ZNRF2: variants seen among roughly 807,000 people sequenced by gnomAD.
ZNRF2 encodes the protein zinc and ring finger 2.
A neutral mutation model predicts 20.4 loss-of-function variants in ZNRF2; 16 were observed. The observed-to-expected ratio is 0.79, with a 90% CI of 0.53 to 1.19. ZNRF2 has a LOEUF of 1.19. ZNRF2 is among the 50% of genes most tolerant of loss of function. The pLI is 0.00. For missense variants in ZNRF2, 363 were observed against 332.4 expected (o/e 1.09, Z -0.72); for synonymous variants, 178 against 144.9 (o/e 1.23, Z -1.64).
intron 1 of ZNRF2, among the ~76,000 whole-genome samples, chr7:30,302,587 A>G (rs1799135883): frequency 6.6e-6 from 1 of 151,808 alleles, no homozygotes; most frequent in South Asian, 2.1e-4. Context: ...GTATATATGT[A>G]CATAAAAAAG....
chr7:30,323,149 G>C (rs1191199232), intron 1 of ZNRF2, among the ~76,000 whole-genome samples: 1 of 152,108 alleles, frequency 6.6e-6, no homozygotes, highest in African/African-American at 2.4e-5. Context: ...TGTTTTTGCT[G>C]TTCTGAAAGG....
At chr7:30,332,914 T>C (rs186424228) in intron 2 of ZNRF2, among the ~76,000 whole-genome samples, 126 of 152,258 alleles carry the variant, frequency 8.3e-4, no homozygotes, top group Non-Finnish European at 6.6e-4. Flanking sequence ...GATTGCTGGG[T>C]TGAATGGTAG....
At chr7:30,302,958 A>C (rs1467248475) in intron 1 of ZNRF2, among the ~76,000 whole-genome samples, 1 of 152,196 alleles carries the variant, frequency 6.6e-6, no homozygotes, top group African/African-American at 2.4e-5. Context: ...GTAACGGAGC[A>C]AGTTTGTAAC....
intron 2 of ZNRF2, among the ~76,000 whole-genome samples, 156 bp downstream of exon 2, chr7:30,323,893 A>G (rs1309203537): frequency 1.3e-5 from 2 of 152,218 alleles, no homozygotes; most frequent in African/African-American, 4.8e-5. Context: ...TGTGATCTCA[A>G]GACTTCTTTA....
intron 1 of ZNRF2, 66 bp downstream of exon 1, chr7:30,285,892 G>T (rs1055647962): frequency 2.2e-6 from 3 of 1,369,108 alleles, no homozygotes; most frequent in Admixed American, 3.6e-5. Flanking sequence ...CGTGGCCGCC[G>T]GCTATTTTTA....
At chr7:30,318,316 A>C (rs772675508) in intron 1 of ZNRF2, among the ~76,000 whole-genome samples, 1 of 152,124 alleles carries the variant, frequency 6.6e-6, no homozygotes, top group Non-Finnish European at 1.5e-5. Flanking sequence ...GGATATAGTG[A>C]TTGAGAGGAT....
intron 1 of ZNRF2, among the ~76,000 whole-genome samples, chr7:30,316,715 T>G (rs986101996): frequency 1.3e-5 from 2 of 152,218 alleles, no homozygotes; most frequent in African/African-American, 4.8e-5. Flanking sequence ...CTTGAGCAAC[T>G]TTTCCTTTAT....
At chr7:30,356,568 A>G (rs1800041937) in intron 3 of ZNRF2, among the ~76,000 whole-genome samples, 1 of 152,172 alleles carries the variant, frequency 6.6e-6, no homozygotes, top group Non-Finnish European at 1.5e-5. Flanking sequence ...AGGATAGAAA[A>G]CTATATCCAG....
At chr7:30,309,186 G>A (rs904702836) in intron 1 of ZNRF2, among the ~76,000 whole-genome samples, 2 of 152,154 alleles carry the variant, frequency 1.3e-5, no homozygotes, top group African/African-American at 4.8e-5. Context: ...TGGCAAAGCA[G>A]AGTATATAAG....
intron 1 of ZNRF2, among the ~76,000 whole-genome samples, chr7:30,295,046 AGAGAGTGTGTGT>A (rs1352331053): frequency 2.2e-3 from 216 of 98,414 alleles, no homozygotes; most frequent in African/African-American, 5.6e-3. Context: ...AGAGAGAGAG[AGAGAGTGTGTGT>A]GTGTGTGTGT....
chr7:30,361,937 A>G (rs912081593), intron 3 of ZNRF2, among the ~76,000 whole-genome samples: 1 of 152,230 alleles, frequency 6.6e-6, no homozygotes, highest in Non-Finnish European at 1.5e-5. Context: ...ATATTCAATA[A>G]TCACATATAA....
At chr7:30,322,476 C>T (rs2128063065) in intron 1 of ZNRF2, among the ~76,000 whole-genome samples, 1 of 152,252 alleles carries the variant, frequency 6.6e-6, no homozygotes, top group Non-Finnish European at 1.5e-5. Flanking sequence ...TGCTTCTGTT[C>T]CTGTCTACAC....
intron 2 of ZNRF2, among the ~76,000 whole-genome samples, chr7:30,335,416 G>A (rs1799701837): frequency 6.6e-6 from 1 of 152,026 alleles, no homozygotes; most frequent in South Asian, 2.1e-4. Context: ...TTAAGATGTG[G>A]TATTGGTGAA....
intron 3 of ZNRF2, among the ~76,000 whole-genome samples, chr7:30,356,166 G>A (rs540417455): frequency 1.3e-5 from 2 of 152,202 alleles, no homozygotes; most frequent in East Asian, 3.9e-4. Context: ...AAGGTTACAA[G>A]GCTAGTAAAT....
chr7:30,284,863 G>A lies in ZNRF2; in HGVS notation c.-495G>A. The A allele has an allele frequency of 4.4e-6, 1 of 226,036 alleles. No individual in the cohort carries two copies. Among genetic ancestry groups the A allele is most frequent in the Non-Finnish European group, 9.3e-6 (1 of 107,930 alleles). 14.0% of individuals were successfully genotyped at this position (226,036 alleles called of 1,614,324 possible). On this transcript the variant is annotated 5_prime_UTR_variant, in exon 1 of 5. Transcript: ENST00000323037. ...ACAGCTGGGTGGCTGGGGGAGGAGG[G>A]AAGGTGGCCCCGGCGGAGTCTGGGC... is the stretch of plus-strand genomic sequence containing the variant.
intron 1 of ZNRF2, among the ~76,000 whole-genome samples, chr7:30,315,223 GTGTTT>G (rs1490138744): frequency 6.6e-6 from 1 of 152,024 alleles, no homozygotes; most frequent in African/African-American, 2.4e-5. Flanking sequence ...CATTCCATTG[GTGTTT>G]TGTTTTGGTA....
chr7:30,367,312 G>T lies in ZNRF2; in HGVS notation c.*1300G>T, dbSNP rs1279409962. 1.3e-5 allele frequency: 2 copies of T among 152,334 alleles called. No individual in the cohort carries two copies. Among genetic ancestry groups the T allele is most frequent in the African/African-American group, 4.8e-5 (2 of 41,404 alleles). The allele number at this position is 152,334 out of a possible 1,614,324, so 9.4% of individuals were successfully genotyped here. ...TATTCCCACATAATACATCTGAATG[G>T]TTAAAAATACTGGAAGAGTTGTCAG... On this transcript the variant is annotated 3_prime_UTR_variant, in exon 5 of 5. Coordinates refer to ENST00000323037, the MANE Select transcript of ZNRF2 (RefSeq NM_147128.4).
At chr7:30,308,642 T>C (rs1562608012) in intron 1 of ZNRF2, among the ~76,000 whole-genome samples, 1 of 152,250 alleles carries the variant, frequency 6.6e-6, no homozygotes, top group Admixed American at 6.5e-5. Context: ...TCATAGGTTA[T>C]GTATACCTTC....
intron 1 of ZNRF2, among the ~76,000 whole-genome samples, chr7:30,313,769 G>A (rs1002843457): frequency 2.1e-4 from 32 of 152,014 alleles, no homozygotes; most frequent in Admixed American, 1.9e-3. Flanking sequence ...ACCTCCCTGT[G>A]TCTGTCTTGT....
Sources: gnomAD v4.1 joint callset for allele counts (sites outside exome capture counted in the v4.1 genomes callset) on GRCh38, gnomAD v4.1.1 for gene constraint, MANE v1.5 for transcripts, NCBI Gene and HGNC (gene_info 2026-07-23, HGNC 2026-07-21) for gene names.